ZNF341: variants seen among roughly 807,000 people sequenced by gnomAD.
ZNF341 encodes zinc finger protein 341.
In ZNF341, 52 loss-of-function variants were observed where a neutral mutation model predicts 87.7. That is an observed-to-expected ratio of 0.59 (90% CI 0.47 to 0.75). The LOEUF (loss-of-function observed/expected upper bound fraction) is 0.75, where lower values mean the gene tolerates loss of function less well. Ranked by LOEUF, ZNF341 falls within the 30% of genes least tolerant of loss-of-function variation. ZNF341 has a pLI of 0.00. For synonymous variants in ZNF341, 459 were observed against 472.7 expected, an observed-to-expected ratio of 0.97 and a Z score of 0.38; for missense variants, 977 against 1,145.9, an observed-to-expected ratio of 0.85 and a Z score of 2.13.
At position 33,764,574 on chromosome 20, in the gene ZNF341, T is replaced by A. The variant is rs1431442239; in HGVS notation, c.1223-2277T>A. ...ATATATATATATATTTTTTTTTTTT[T>A]TTTTTTTTTTTTTTTTGAGATGGAG... is the stretch of plus-strand genomic sequence containing the variant. On this transcript the variant is annotated intron_variant, in intron 8 of 14. Coordinates refer to ENST00000375200, the MANE Select transcript of ZNF341 (RefSeq NM_001282933.2). Among the ~76,000 whole-genome samples, 110 of 106,192 alleles carry A rather than the reference T, an allele frequency of 1.0e-3. 3 individuals carry two copies. In the East Asian group the frequency reaches 0.013, roughly 12 times the overall value. 69.7% of individuals were successfully genotyped at this position (106,192 alleles called of 152,430 possible).
At chr20:33,764,558 TA>T (rs1568946764) in intron 8 of ZNF341, among the ~76,000 whole-genome samples, 21 of 81,502 alleles carry the variant, frequency 2.6e-4, no homozygotes, top group East Asian at 1.5e-3. Context: ...TATATATATA[TA>T]TATTTTTTTT....
intron 10 of ZNF341, among the ~76,000 whole-genome samples, chr20:33,771,770 T>G (rs925053938): frequency 6.6e-6 from 1 of 151,246 alleles, no homozygotes; most frequent in Non-Finnish European, 1.5e-5. Context: ...AATCCTAGCA[T>G]TTGGGGAGGC....
intron 12 of ZNF341, chr20:33,788,431 T>G: frequency 5.1e-6 from 1 of 196,258 alleles, no homozygotes; most frequent in East Asian, 1.3e-4. Context: ...TCAAAAAAAA[T>G]AAATAAATAA....
At chr20:33,754,216 T>A (rs2626540) in intron 5 of ZNF341, among the ~76,000 whole-genome samples, 56,086 of 151,966 alleles carry the variant, frequency 0.37, 12,522 homozygotes, top group East Asian at 0.72. Context: ...CTGCAAAGGC[T>A]TGGGTACAGG....
At chr20:33,775,345 G>A (rs746096924) in intron 10 of ZNF341, among the ~76,000 whole-genome samples, 2 of 151,412 alleles carry the variant, frequency 1.3e-5, no homozygotes, top group Non-Finnish European at 2.9e-5. Flanking sequence ...TAGTAGCTGC[G>A]ACTACAAGGC....
At chr20:33,771,276 G>A (rs11907479) in intron 10 of ZNF341, among the ~76,000 whole-genome samples, 4,225 of 151,838 alleles carry the variant, frequency 0.028, 191 homozygotes, top group African/African-American at 0.094. Flanking sequence ...TTTGAGATGG[G>A]GTTTTGCTCT....
chr20:33,781,701 A>ATT (rs35710818), intron 11 of ZNF341, among the ~76,000 whole-genome samples: 27,837 of 143,134 alleles, frequency 0.19, 3,107 homozygotes, highest in Middle Eastern at 0.27. Flanking sequence ...CTTCTTTTTA[A>ATT]TTTTTTTTTT....
Position 33,791,119 on chromosome 20 carries a change from C to A in ZNF341, c.2167C>A (p.His723Asn), listed in dbSNP as rs549813049. The A allele has an allele frequency of 3.7e-6, 6 of 1,613,376 alleles. No homozygotes were observed. Among genetic ancestry groups the A allele is most frequent in the Non-Finnish European group, 5.1e-6 (6 of 1,180,034 alleles). Reference sequence around the variant, plus strand: ...TGGCTGCGCCAAGGGCTTTTCCCGCCACAAATACCTCAAAGATCACCGCTG... The same window carrying A: ...TGGCTGCGCCAAGGGCTTTTCCCGCAACAAATACCTCAAAGATCACCGCTG... ...CAGCAKGFSR[H>N]KYLKDHRCRL... The change falls in exon 15 of 15, where the codon CAC becomes AAC. Residue 723 changes from histidine to asparagine, a missense_variant. This residue lies in a region of ZNF341 where 221 missense variants were observed against 212.7 expected (regional missense o/e 1.04). Transcript: ENST00000375200.
At position 33,791,138 on chromosome 20, in the gene ZNF341, A is replaced by G. The variant is rs774742055; in HGVS notation, c.2186A>G (p.His729Arg). The change falls in exon 15 of 15, where the codon CAC becomes CGC. Residue 729 changes from histidine (H) to arginine (R), a missense_variant. By Grantham distance (29) the His-to-Arg change is conservative (BLOSUM62 0). Transcript: ENST00000375200. ...TCCCGCCACAAATACCTCAAAGATC[A>G]CCGCTGTCGTCTCGGCCCCCAAAAG... ...GFSRHKYLKD[H>R]RCRLGPQKDK... The G allele has an allele frequency of 7.4e-6, 12 of 1,613,096 alleles. No individual in the cohort carries two copies. The highest frequency in any genetic ancestry group is 1.0e-5 in the Non-Finnish European group (12 of 1,179,998).
Position 33,789,511 on chromosome 20 carries a change from G to T in ZNF341, c.1965-7G>T. 1 of 1,614,016 alleles carries T rather than the reference G, an allele frequency of 6.2e-7. No homozygotes were observed. The highest frequency in any genetic ancestry group is 2.2e-5 in the East Asian group (1 of 44,852). On this transcript the variant is annotated splice_polypyrimidine_tract_variant and splice_region_variant and intron_variant, in intron 13 of 14. Coordinates refer to ENST00000375200, the MANE Select transcript of ZNF341 (RefSeq NM_001282933.2). ...AGCTCCCCCTGACCAGTGGCTTTGG[G>T]TTTTAGGACGCACACAGGCTGCAGT...
chr20:33,758,733 G>C lies in ZNF341; in HGVS notation c.955G>C (p.Ala319Pro), dbSNP rs140542174. 35 of 1,613,644 alleles carry C rather than the reference G, an allele frequency of 2.2e-5. No homozygotes were observed. Among genetic ancestry groups the C allele is most frequent in the South Asian group, 1.5e-4 (14 of 90,978 alleles). Residue 319 changes from alanine to proline, a missense_variant, in exon 7 of 15, where the codon GCT becomes CCT. Around this residue, in one of 3 missense-constraint regions of ZNF341, gnomAD observed 515 missense variants for 598.2 expected, o/e 0.86. Transcript: ENST00000375200. Reference protein sequence around the residue: ...GLPEAAGKPKAQKLKCSYCDK... With the variant: ...GLPEAAGKPKPQKLKCSYCDK... ...TCTTTCAGCTGCAGGGAAGCCAAAG[G>C]CTCAGAAACTCAAGTGCTCATACTG...
chr20:33,779,578 G>A (rs1332330647), intron 10 of ZNF341, among the ~76,000 whole-genome samples: 2 of 151,652 alleles, frequency 1.3e-5, no homozygotes, highest in Non-Finnish European at 2.9e-5. Flanking sequence ...AGCCTCCTGA[G>A]TAGCTGGGGT....
intron 9 of ZNF341, among the ~76,000 whole-genome samples, chr20:33,768,651 G>A (rs143869815): frequency 0.032 from 4,916 of 152,094 alleles, 245 homozygotes; most frequent in African/African-American, 0.11. Context: ...TCGAACTCCT[G>A]GGCTCAATTG....
rs137908665 is a variant in ZNF341 at position 33,776,474 on chromosome 20, G to A, written c.1623-4817G>A. ...ATGATCACAGCTCACTGCAGCCTTC[G>A]CCTCCGGGGCTCAAGCAATCCTCCA... On this transcript the variant is annotated intron_variant, in intron 10 of 14. Transcript: ENST00000375200. Among the ~76,000 whole-genome samples the A allele has an allele frequency of 5.4e-3, 822 of 151,242 alleles. 5 individuals are homozygous for A. Among genetic ancestry groups the A allele is most frequent in the Admixed American group, 8.2e-3 (124 of 15,158 alleles).
At chr20:33,778,019 A>T (rs1372416884) in intron 10 of ZNF341, among the ~76,000 whole-genome samples, 1 of 152,198 alleles carries the variant, frequency 6.6e-6, no homozygotes, top group Admixed American at 6.5e-5. Context: ...CGTGTGTCAT[A>T]TCAGGAGGCA....
intron 4 of ZNF341, among the ~76,000 whole-genome samples, chr20:33,750,489 G>A (rs539511145): frequency 2.6e-5 from 4 of 151,986 alleles, no homozygotes; most frequent in Admixed American, 1.3e-4. Context: ...TTGAGACAGC[G>A]TCTCACTCAG....
intron 12 of ZNF341, chr20:33,788,588 G>T: frequency 2.1e-6 from 1 of 469,026 alleles, no homozygotes; most frequent in Non-Finnish European, 3.9e-6. Context: ...CAGGGCCTTT[G>T]TACCTGCTTT....
Position 33,743,420 on chromosome 20 carries a change from A to G in ZNF341, c.143-1683A>G, listed in dbSNP as rs73622546. On this transcript the variant is annotated intron_variant, in intron 2 of 14. Transcript: ENST00000375200. ...CAGTGGTGTGATCTCGCTCACTGCA[A>G]CCTCCACCTCCTGGGTTTAAGCAAT... Among the ~76,000 whole-genome samples, 64 of 144,742 alleles carry G rather than the reference A, an allele frequency of 4.4e-4. 1 individual carries two copies. The East Asian group carries it at 0.012, about 27-fold the overall frequency. The allele number at this position is 144,742 out of a possible 152,430, so 95.0% of individuals were successfully genotyped here.
intron 1 of ZNF341, among the ~76,000 whole-genome samples, chr20:33,736,887 C>T (rs1335091228): frequency 6.6e-6 from 1 of 152,142 alleles, no homozygotes. Context: ...GTGAGTGAGA[C>T]TGCCCAGGGA....
Sources: allele counts gnomAD v4.1 joint callset (sites outside exome capture counted in the v4.1 genomes callset), GRCh38; gene constraint gnomAD v4.1.1; regional missense constraint gnomAD v4.1.1; transcripts MANE v1.5; gene names NCBI Gene and HGNC (gene_info 2026-07-23, HGNC 2026-07-21).